Variants in FBN2 observed in about 807,000 individuals in gnomAD.
FBN2 encodes the protein fibrillin 2.
A neutral mutation model predicts 355.6 loss-of-function variants in FBN2; 105 were observed. That is an observed-to-expected ratio of 0.30 (90% CI 0.25 to 0.35). FBN2 has a LOEUF of 0.35. FBN2 is among the 10% of genes least tolerant of loss of function. FBN2 has a pLI of 1.00. For synonymous variants in FBN2, 1,350 were observed against 1,301.2 expected (o/e 1.04, Z -0.81); for missense variants, 3,280 against 3,758.7 (o/e 0.87, Z 3.33).
chr5:128,524,614 G>A (rs1756516941), intron 4 of FBN2, among the ~76,000 whole-genome samples: 1 of 152,064 alleles, frequency 6.6e-6, no homozygotes, highest in South Asian at 2.1e-4. Context: ...AGACTTTTCT[G>A]GATTCATAAA....
intron 64 of FBN2, among the ~76,000 whole-genome samples, chr5:128,260,435 TG>T (rs1420950434): frequency 6.6e-6 from 1 of 152,206 alleles, no homozygotes; most frequent in Non-Finnish European, 1.5e-5. Context: ...AAACCAAGTC[TG>T]ACTTTTGCTC....
At chr5:128,490,272 T>G (rs1427853365) in intron 5 of FBN2, among the ~76,000 whole-genome samples, 1 of 152,190 alleles carries the variant, frequency 6.6e-6, no homozygotes, top group Non-Finnish European at 1.5e-5. Flanking sequence ...TCATATCAAC[T>G]CTGTTTTAAC....
At chr5:128,335,698 G>T in intron 28 of FBN2, 121 bp from the exon 29 acceptor site, 1 of 1,199,212 alleles carries the variant, frequency 8.3e-7, no homozygotes, top group Non-Finnish European at 1.2e-6. Context: ...TGTGTTGATT[G>T]AACATTATCT....
chr5:128,297,660 C>T (rs1472140877), intron 48 of FBN2, among the ~76,000 whole-genome samples: 1 of 151,958 alleles, frequency 6.6e-6, no homozygotes, highest in African/African-American at 2.4e-5. Flanking sequence ...GATTGCAACC[C>T]CTGCCTTTTT....
chr5:128,506,758 C>G (rs1561489928), intron 5 of FBN2, among the ~76,000 whole-genome samples: 1 of 152,100 alleles, frequency 6.6e-6, no homozygotes, highest in African/African-American at 2.4e-5. Context: ...AAATGCCCTT[C>G]TTTCATGTTG....
intron 8 of FBN2, among the ~76,000 whole-genome samples, chr5:128,401,010 T>C (rs2126989886): frequency 6.6e-6 from 1 of 152,234 alleles, no homozygotes; most frequent in East Asian, 1.9e-4. Flanking sequence ...TTCCTCATTT[T>C]CTCCTGCTGC....
At chr5:128,344,160 G>A (rs1033406351) in intron 25 of FBN2, among the ~76,000 whole-genome samples, 2 of 152,274 alleles carry the variant, frequency 1.3e-5, no homozygotes, top group Admixed American at 6.5e-5. Context: ...CTGAGGTGGA[G>A]GGACTACTTG....
chr5:128,500,567 C>G (rs1369305924), intron 5 of FBN2, among the ~76,000 whole-genome samples: 1 of 151,060 alleles, frequency 6.6e-6, no homozygotes, highest in Non-Finnish European at 1.5e-5. Flanking sequence ...CTCAGCCTCT[C>G]TCGAGTAGCT....
chr5:128,312,450 A>C (rs1407511964), intron 37 of FBN2, among the ~76,000 whole-genome samples, 184 bp downstream of exon 37: 1 of 152,222 alleles, frequency 6.6e-6, no homozygotes, highest in Non-Finnish European at 1.5e-5. Flanking sequence ...AAAACATAGG[A>C]AGAGAGGAAT....
rs757126046 is a variant in FBN2 at position 128,287,441 on chromosome 5, GA to G, written c.6758-12del. On this transcript the variant is annotated splice_polypyrimidine_tract_variant and intron_variant, in intron 53 of 64. Transcript: ENST00000262464. Reference sequence around the variant, plus strand: ...CACATTCGTTGATATCTGACCAAAGGAATGGACAGGAATGTGCTCAGCCTAG... The same window carrying G: ...CACATTCGTTGATATCTGACCAAAGGATGGACAGGAATGTGCTCAGCCTAG... The G allele has an allele frequency of 9.3e-6, 15 of 1,613,462 alleles. No individual in the cohort carries two copies. The highest frequency in any genetic ancestry group is 1.7e-4 in the Middle Eastern group (1 of 6,058).
chr5:128,297,337 T>C (rs1749552225), intron 48 of FBN2, among the ~76,000 whole-genome samples: 1 of 152,232 alleles, frequency 6.6e-6, no homozygotes, highest in South Asian at 2.1e-4. Context: ...GAGAGTTCTG[T>C]AGATGTCTAT....
intron 5 of FBN2, among the ~76,000 whole-genome samples, chr5:128,503,332 C>G (rs1161809093): frequency 2.0e-5 from 3 of 152,152 alleles, no homozygotes; most frequent in African/African-American, 7.2e-5. Context: ...ACTACTAATA[C>G]AGTAAATTGT....
intron 63 of FBN2, among the ~76,000 whole-genome samples, chr5:128,262,842 C>G (rs1220535172): frequency 6.6e-6 from 1 of 152,198 alleles, no homozygotes; most frequent in Non-Finnish European, 1.5e-5. Context: ...TGCAAATGGC[C>G]AGCACCTCTG....
In FBN2 at chr5:128,305,041, C is replaced by T; in HGVS notation, c.5716G>A (p.Gly1906Ser). 3 of 1,613,452 alleles carry T rather than the reference C, an allele frequency of 1.9e-6. No individual in the cohort carries two copies. Among genetic ancestry groups the T allele is most frequent in the Non-Finnish European group, 2.5e-6 (3 of 1,179,564 alleles). Reference sequence around the variant, plus strand: ...CTTCCTTGCAGATCAACACACAAGCCATGACTGCAAACGTTAGGAATTTCT... The same window carrying T: ...CTTCCTTGCAGATCAACACACAAGCTATGACTGCAAACGTTAGGAATTTCT... ...CLEIPNVCSH[G>S]LCVDLQGSYQ... is the part of the protein sequence containing the mutation. The change falls in exon 45 of 65, where the codon GGC becomes AGC. Residue 1906 changes from glycine (G) to serine (S), a missense_variant. This residue lies in a region of FBN2 where 2,284 missense variants were observed against 2,749.5 expected (regional missense o/e 0.83). Coordinates refer to ENST00000262464, the MANE Select transcript of FBN2 (RefSeq NM_001999.4).
At chr5:128,269,199 G>C (rs1765200407) in intron 62 of FBN2, among the ~76,000 whole-genome samples, 1 of 151,334 alleles carries the variant, frequency 6.6e-6, no homozygotes, top group African/African-American at 2.4e-5. Context: ...TGGATCACTT[G>C]AGGCCAGGAG....
At chr5:128,266,694 A>C (rs571568985) in intron 62 of FBN2, among the ~76,000 whole-genome samples, 13 of 152,296 alleles carry the variant, frequency 8.5e-5, no homozygotes, top group Admixed American at 5.9e-4. Context: ...CTCCTTAAAA[A>C]AAATTCTGTT....
At chr5:128,490,834 T>G (rs1755480864) in intron 5 of FBN2, among the ~76,000 whole-genome samples, 1 of 152,218 alleles carries the variant, frequency 6.6e-6, no homozygotes. Flanking sequence ...CAATAAATAG[T>G]AAAATTTCTA....
chr5:128,453,176 ACTTGATATCTGCAGGACC>A (rs1754298359), intron 6 of FBN2, among the ~76,000 whole-genome samples: 1 of 152,230 alleles, frequency 6.6e-6, no homozygotes, highest in Non-Finnish European at 1.5e-5. Flanking sequence ...TATATTGGTA[ACTTGATATCTGCAGGACC>A]CTGAAATTGT....
At chr5:128,294,726 T>A (rs992417655) in intron 48 of FBN2, among the ~76,000 whole-genome samples, 1 of 151,428 alleles carries the variant, frequency 6.6e-6, no homozygotes, top group South Asian at 2.1e-4. Flanking sequence ...TCATTGTAGA[T>A]TCTGGATATT....
Sources: allele counts gnomAD v4.1 joint callset (sites outside exome capture counted in the v4.1 genomes callset), GRCh38; gene constraint gnomAD v4.1.1; regional missense constraint gnomAD v4.1.1; transcripts MANE v1.5; gene names NCBI Gene and HGNC (gene_info 2026-07-23, HGNC 2026-07-21).